The following RNF220 variants were observed in gnomAD, a reference collection of about 807,000 sequenced individuals.
The protein encoded by RNF220 is E3 ubiquitin-protein ligase RNF220.
In RNF220, 7 loss-of-function variants were observed where a neutral mutation model predicts 67.1. That is an observed-to-expected ratio of 0.10 (90% confidence interval 0.06 to 0.20). The LOEUF is 0.20. Ranked by LOEUF, RNF220 falls within the 10% of genes least tolerant of loss-of-function variation. RNF220 has a pLI of 1.00. For synonymous variants in RNF220, 270 were observed against 283.2 expected, an observed-to-expected ratio of 0.95 and a Z score of 0.47; for missense variants, 565 against 740.3, an observed-to-expected ratio of 0.76 and a Z score of 2.75.
chr1:44,476,800 G>A (rs1021629511), intron 2 of RNF220, among the ~76,000 whole-genome samples: 2 of 152,180 alleles, frequency 1.3e-5, no homozygotes, highest in Non-Finnish European at 1.5e-5. Context: ...ATTTTTGTGA[G>A]CGTGCTTGTG....
intron 2 of RNF220, among the ~76,000 whole-genome samples, chr1:44,500,937 C>T (rs537404478): frequency 1.2e-4 from 18 of 152,170 alleles, no homozygotes; most frequent in Non-Finnish European, 1.8e-4. Flanking sequence ...ATAGACGGGC[C>T]CTTGGCTCTT....
At chr1:44,573,232 A>G (rs1179846410) in intron 2 of RNF220, among the ~76,000 whole-genome samples, 2 of 152,090 alleles carry the variant, frequency 1.3e-5, no homozygotes, top group Non-Finnish European at 2.9e-5. Flanking sequence ...CTAGAACACT[A>G]TGTGTTGGGT....
chr1:44,635,931 C>G (rs1346574862), intron 7 of RNF220, 99 bp from the exon 8 acceptor site: 3 of 1,573,550 alleles, frequency 1.9e-6, no homozygotes, highest in Non-Finnish European at 2.6e-6. Flanking sequence ...GCCCACTTGG[C>G]ACACCACAGC....
chr1:44,557,296 G>C (rs1349061446), intron 2 of RNF220, among the ~76,000 whole-genome samples: 1 of 150,896 alleles, frequency 6.6e-6, no homozygotes, highest in African/African-American at 2.4e-5. Context: ...TGAGATGGGA[G>C]CATCGATTGA....
intron 2 of RNF220, among the ~76,000 whole-genome samples, chr1:44,468,410 G>A (rs552159250): frequency 9.2e-5 from 14 of 152,254 alleles, no homozygotes; most frequent in Middle Eastern, 3.4e-3. Context: ...ACGTGGAAGC[G>A]GAGTGCATTA....
At chr1:44,476,303 A>G (rs1655294454) in intron 2 of RNF220, among the ~76,000 whole-genome samples, 1 of 152,152 alleles carries the variant, frequency 6.6e-6, no homozygotes, top group East Asian at 1.9e-4. Flanking sequence ...ACAAATGTTC[A>G]TTTTATTGGG....
At chr1:44,518,606 G>T (rs1227641494) in intron 2 of RNF220, among the ~76,000 whole-genome samples, 1 of 152,124 alleles carries the variant, frequency 6.6e-6, no homozygotes, top group Non-Finnish European at 1.5e-5. Context: ...GCCGGGCGCG[G>T]TGGCTCACAC....
At chr1:44,594,478 T>C (rs1283029491) in intron 2 of RNF220, among the ~76,000 whole-genome samples, 1 of 151,384 alleles carries the variant, frequency 6.6e-6, no homozygotes, top group African/African-American at 2.4e-5. Context: ...GCAGGGAGAG[T>C]CTGGGAGAGC....
intron 2 of RNF220, among the ~76,000 whole-genome samples, chr1:44,435,696 G>A (rs1375458105): frequency 2.0e-5 from 3 of 152,300 alleles, no homozygotes; most frequent in African/African-American, 7.2e-5. Flanking sequence ...TTGGGAGGCC[G>A]AGGTGGGCGG....
intron 2 of RNF220, among the ~76,000 whole-genome samples, chr1:44,503,124 A>G (rs1658077766): frequency 6.6e-6 from 1 of 152,112 alleles, no homozygotes; most frequent in South Asian, 2.1e-4. Flanking sequence ...ATTTGAGGTC[A>G]GAAGTTCGAG....
intron 2 of RNF220, among the ~76,000 whole-genome samples, chr1:44,517,305 G>A (rs930829894): frequency 2.6e-5 from 4 of 151,834 alleles, no homozygotes; most frequent in Admixed American, 6.6e-5. Flanking sequence ...CTGTCTTCCC[G>A]GACCCCCATC....
intron 2 of RNF220, among the ~76,000 whole-genome samples, chr1:44,553,800 C>T (rs982309244): frequency 6.6e-6 from 1 of 152,046 alleles, no homozygotes; most frequent in Non-Finnish European, 1.5e-5. Context: ...AAGGAAAGGA[C>T]GATTTATAAA....
At chr1:44,495,895 C>T (rs924305802) in intron 2 of RNF220, among the ~76,000 whole-genome samples, 1 of 152,204 alleles carries the variant, frequency 6.6e-6, no homozygotes, top group East Asian at 1.9e-4. Context: ...ACCTTAGTAA[C>T]CACTCAGCAT....
intron 2 of RNF220, among the ~76,000 whole-genome samples, chr1:44,526,985 G>A (rs940652830): frequency 3.3e-5 from 5 of 151,808 alleles, no homozygotes; most frequent in African/African-American, 7.3e-5. Context: ...TCTGCTTGAT[G>A]TGCCCCTTCA....
intron 1 of RNF220, among the ~76,000 whole-genome samples, chr1:44,407,529 T>C (rs189348007): frequency 3.2e-4 from 48 of 152,196 alleles, no homozygotes; most frequent in African/African-American, 1.1e-3. Context: ...GTTCGCTTGC[T>C]GCGCTTCGAG....
At chr1:44,604,222 G>A (rs270741) in intron 2 of RNF220, among the ~76,000 whole-genome samples, 37,209 of 152,108 alleles carry the variant, frequency 0.24, 4,703 homozygotes, top group Admixed American at 0.32. Context: ...ACAAGCATGT[G>A]TGTGTCCAGA....
chr1:44,650,539 G>T lies in RNF220; in HGVS notation c.1630-165G>T. ...CCTGGCGTCCCCCCAACACAGGAGCGTGCCTGCCTGCTCACAGAAGCTGCC... is the reference window on the plus strand; with the variant it reads ...CCTGGCGTCCCCCCAACACAGGAGCTTGCCTGCCTGCTCACAGAAGCTGCC... On this transcript the variant is annotated intron_variant, in intron 14 of 14. Transcript: ENST00000361799. The surrounding 1 kb of genome is among the most constrained non-coding windows in gnomAD (Gnocchi z 4.3). The T allele has an allele frequency of 7.4e-6, 5 of 675,626 alleles. No homozygotes were observed. The South Asian group carries it at 8.6e-5, about 12-fold the overall frequency. The allele number at this position is 675,626 out of a possible 1,614,324, so 41.9% of individuals were successfully genotyped here. A position where few individuals can be genotyped will look rare whatever the true frequency, so the allele number is the denominator to read the frequency against.
chr1:44,476,275 T>G (rs1006428050), intron 2 of RNF220, among the ~76,000 whole-genome samples: 5 of 152,100 alleles, frequency 3.3e-5, no homozygotes, highest in Admixed American at 2.6e-4. Context: ...GTCTATTTCT[T>G]AAGTGGGATG....
At chr1:44,594,025 C>A (rs1450462881) in intron 2 of RNF220, among the ~76,000 whole-genome samples, 1 of 149,740 alleles carries the variant, frequency 6.7e-6, no homozygotes, top group Non-Finnish European at 1.5e-5. Flanking sequence ...GCGGAGGTTG[C>A]AGTGAGCTGA....
Sources: gnomAD v4.1 joint callset for allele counts (sites outside exome capture counted in the v4.1 genomes callset) on GRCh38, gnomAD v4.1.1 for gene constraint, Gnocchi (gnomAD v3.1) non-coding constraint, MANE v1.5 for transcripts, NCBI Gene and HGNC (gene_info 2026-07-23, HGNC 2026-07-21) for gene names.